The following CIT variants were observed in gnomAD, a reference collection of about 807,000 sequenced individuals.
CIT encodes citron rho-interacting serine/threonine kinase.
CIT carries 79 observed loss-of-function variants against 272.7 expected under a neutral mutation model. The observed-to-expected ratio is 0.29, with a 90% confidence interval of 0.24 to 0.35. The LOEUF (loss-of-function observed/expected upper bound fraction) is 0.35. Among genes scored for constraint, CIT ranks in the 10% least tolerant of loss-of-function variants. CIT has a pLI of 1.00. For synonymous variants in CIT, 948 were observed against 995.6 expected (o/e 0.95, Z 0.90); for missense variants, 1,909 against 2,618.3 (o/e 0.73, Z 5.91).
At chr12:119,740,480 C>T (rs278114) in intron 24 of CIT, among the ~76,000 whole-genome samples, 39,928 of 151,804 alleles carry the variant, frequency 0.26, 5,517 homozygotes, top group Middle Eastern at 0.34. Context: ...TTCACAGTTA[C>T]ACACACATTT....
intron 2 of CIT, among the ~76,000 whole-genome samples, chr12:119,873,262 CCTTTT>C (rs1426582534): frequency 1.3e-5 from 2 of 149,710 alleles, no homozygotes; most frequent in Non-Finnish European, 3.0e-5. Context: ...AAATTTTTTT[CCTTTT>C]CTTTTTTTTT....
chr12:119,733,232 G>GAA (rs566790161), intron 26 of CIT, among the ~76,000 whole-genome samples: 1 of 134,396 alleles, frequency 7.4e-6, no homozygotes, highest in Non-Finnish European at 1.6e-5. Flanking sequence ...TAAGAAAGGA[G>GAA]AAAAAAAAAA....
intron 2 of CIT, among the ~76,000 whole-genome samples, chr12:119,872,725 T>C (rs1950718356): frequency 6.6e-6 from 1 of 152,210 alleles, no homozygotes; most frequent in Non-Finnish European, 1.5e-5. Flanking sequence ...TGGCCTCATC[T>C]GCAAAACCCA....
rs534285633 is a variant in CIT at position 119,712,998 on chromosome 12, G to A, written c.4579+205C>T. On this transcript the variant is annotated intron_variant, in intron 35 of 47. Transcript: ENST00000392521. The surrounding 1 kb of genome is among the most constrained non-coding windows in gnomAD (Gnocchi z 5.2). ...TAGCAGGTGGAATCTTCAGGGCAGC[G>A]CCCTGCGGGTTCTTCAGGGGGGAGA... The A allele has an allele frequency of 1.6e-5, 10 of 612,326 alleles. No homozygotes were observed. The highest frequency in any genetic ancestry group is 1.2e-4 in the South Asian group (6 of 50,640). 37.9% of individuals were successfully genotyped at this position (612,326 alleles called of 1,614,324 possible).
chr12:119,706,846 C>T (rs571941712), intron 40 of CIT, among the ~76,000 whole-genome samples: 1 of 152,158 alleles, frequency 6.6e-6, no homozygotes, highest in Non-Finnish European at 1.5e-5. Flanking sequence ...ATTTTTAGGT[C>T]TTTGAGGATC....
At chr12:119,693,227 A>C (rs919545083) in intron 46 of CIT, among the ~76,000 whole-genome samples, 1 of 152,114 alleles carries the variant, frequency 6.6e-6, no homozygotes, top group African/African-American at 2.4e-5. Flanking sequence ...CTACCACATC[A>C]ATTTTATGGT....
At chr12:119,855,331 G>A (rs1298944454) in intron 4 of CIT, among the ~76,000 whole-genome samples, 1 of 151,884 alleles carries the variant, frequency 6.6e-6, no homozygotes, top group African/African-American at 2.4e-5. Context: ...GCTGAGATAG[G>A]AGAATGGTGT....
chr12:119,690,189 C>A lies in CIT; in HGVS notation c.6148G>T (p.Ala2050Ser). The A allele has an allele frequency of 6.7e-7, 1 of 1,489,002 alleles. No homozygotes were observed. The highest frequency in any genetic ancestry group is 8.9e-7 in the Non-Finnish European group (1 of 1,129,072). The allele number at this position is 1,489,002 out of a possible 1,614,324, so 92.2% of individuals were successfully genotyped here. ...GACAGCGGGGTCCTCACGGCTCCCG[C>A]AGGCAGCCGGCCCCTGCTGCTGTCT... ...FEDSSRGRLPAGAVRTPLSQV... is the reference protein window; with the variant it reads ...FEDSSRGRLPSGAVRTPLSQV... The change falls in exon 47 of 48, where the codon GCG (alanine) becomes TCG (serine). Residue 2050 changes from alanine (A) to serine (S), a missense_variant. Transcript: ENST00000392521. The surrounding 1 kb of genome is among the most constrained non-coding windows in gnomAD (Gnocchi z 6.0).
chr12:119,749,662 A>AGCAT (rs1174907070), intron 23 of CIT, among the ~76,000 whole-genome samples: 1 of 152,132 alleles, frequency 6.6e-6, no homozygotes, highest in African/African-American at 2.4e-5. Context: ...TTTTTTCCAC[A>AGCAT]GCATCTTCAT....
chr12:119,704,286 T>G (rs1188609052), intron 41 of CIT, 77 bp downstream of exon 41: 2 of 1,364,456 alleles, frequency 1.5e-6, no homozygotes, highest in Non-Finnish European at 2.1e-6. Context: ...CCCAGGACAG[T>G]GCACTTTCCA....
At chr12:119,729,945 T>C (rs1175466795) in intron 27 of CIT, among the ~76,000 whole-genome samples, 2 of 152,180 alleles carry the variant, frequency 1.3e-5, no homozygotes, top group Non-Finnish European at 2.9e-5. Flanking sequence ...GATTATTAGC[T>C]AAAATCTCCA....
At chr12:119,707,735 C>T (rs1369332764) in intron 40 of CIT, among the ~76,000 whole-genome samples, 1 of 152,028 alleles carries the variant, frequency 6.6e-6, no homozygotes, top group Non-Finnish European at 1.5e-5. Context: ...CTCTTGACCT[C>T]GTGATCCACC....
intron 10 of CIT, among the ~76,000 whole-genome samples, 154 bp from the exon 11 acceptor site, chr12:119,785,219 T>A (rs762072602): frequency 1.3e-5 from 2 of 152,198 alleles, no homozygotes; most frequent in African/African-American, 2.4e-5. Flanking sequence ...AAGATGCCCA[T>A]GTCCTGATCT....
chr12:119,864,120 A>G (rs1237144654), intron 3 of CIT, among the ~76,000 whole-genome samples: 1 of 152,058 alleles, frequency 6.6e-6, no homozygotes, highest in African/African-American at 2.4e-5. Flanking sequence ...TATTGTTTGC[A>G]ATAAGAAAAA....
chr12:119,837,626 T>C (rs1969100434), intron 5 of CIT, among the ~76,000 whole-genome samples: 1 of 152,222 alleles, frequency 6.6e-6, no homozygotes, highest in Non-Finnish European at 1.5e-5. Context: ...TGTAACTCTG[T>C]CCCTGACTTT....
intron 5 of CIT, among the ~76,000 whole-genome samples, chr12:119,844,099 G>A (rs566896187): frequency 3.5e-4 from 51 of 147,082 alleles, no homozygotes; most frequent in Admixed American, 6.9e-4. Flanking sequence ...TTGGCTCACT[G>A]CAACCTCCAC....
chr12:119,830,636 G>A (rs1170497175), intron 7 of CIT, among the ~76,000 whole-genome samples: 4 of 152,038 alleles, frequency 2.6e-5, no homozygotes, highest in Admixed American at 2.6e-4. Context: ...CCTACCCCAG[G>A]CACATCTGGC....
At chr12:119,734,015 A>T (rs1958618161) in intron 26 of CIT, 149 bp downstream of exon 26, 11 of 792,248 alleles carry the variant, frequency 1.4e-5, no homozygotes, top group Non-Finnish European at 2.2e-5. Context: ...TGGTTTGCCC[A>T]AGAGTCTCCT....
intron 9 of CIT, among the ~76,000 whole-genome samples, chr12:119,811,792 T>C (rs1966849836): frequency 6.6e-6 from 1 of 152,228 alleles, no homozygotes; most frequent in Non-Finnish European, 1.5e-5. Flanking sequence ...TCCCTCTCAG[T>C]CTAGGTACTC....
Sources: gnomAD v4.1 joint callset for allele counts (sites outside exome capture counted in the v4.1 genomes callset) on GRCh38, gnomAD v4.1.1 for gene constraint, Gnocchi (gnomAD v3.1) non-coding constraint, MANE v1.5 for transcripts, NCBI Gene and HGNC (gene_info 2026-07-23, HGNC 2026-07-21) for gene names.